HIF3A: variants seen among roughly 807,000 people sequenced by gnomAD.
HIF3A encodes hypoxia-inducible factor 3-alpha.
A neutral mutation model predicts 67.2 loss-of-function variants in HIF3A; 41 were observed. That is an observed-to-expected ratio of 0.61 (90% CI 0.48 to 0.79). HIF3A has a LOEUF of 0.79. HIF3A is among the 30% of genes least tolerant of loss of function. The pLI is 0.00. For synonymous variants in HIF3A, 356 were observed against 374.8 expected, an observed-to-expected ratio of 0.95 and a Z score of 0.58; for missense variants, 855 against 898.0, an observed-to-expected ratio of 0.95 and a Z score of 0.61.
At chr19:46,298,195 C>T (rs1601165036) in intron 1 of HIF3A, 1 of 317,390 alleles carries the variant, frequency 3.2e-6, no homozygotes, top group South Asian at 2.3e-5. Flanking sequence ...ATGCACACCC[C>T]ATGTTTCTAA....
intron 8 of HIF3A, among the ~76,000 whole-genome samples, chr19:46,318,290 G>A (rs1010777137): frequency 7.9e-5 from 12 of 151,630 alleles, no homozygotes; most frequent in Non-Finnish European, 1.3e-4. Flanking sequence ...ACGGAATGCT[G>A]GGCATGGTAA....
At chr19:46,331,480 C>T in intron 13 of HIF3A, 1 of 239,372 alleles carries the variant, frequency 4.2e-6, no homozygotes, top group East Asian at 7.3e-5. Flanking sequence ...TGCGCCACTG[C>T]ACCCCAGCAT....
At chr19:46,312,809 G>A in intron 8 of HIF3A, 156 bp downstream of exon 8, 1 of 1,351,390 alleles carries the variant, frequency 7.4e-7, no homozygotes, top group Non-Finnish European at 9.5e-7. Context: ...TATGAGGAAT[G>A]TGTGTCACCA....
At position 46,337,377 on chromosome 19, in the gene HIF3A, A is replaced by G. The variant is rs114899042; in HGVS notation, c.1913-2148A>G. Among the ~76,000 whole-genome samples, 200 of 152,258 alleles carry G rather than the reference A, an allele frequency of 1.3e-3. 1 individual carries two copies. Among genetic ancestry groups the G allele is most frequent in the Middle Eastern group, 0.01 (3 of 294 alleles). ...GCGATCCTCCCATCTCAGTCTCCCA[A>G]GTAGCTGGGACTACACTTGTAGCTG... On this transcript the variant is annotated intron_variant, in intron 14 of 14. Transcript: ENST00000377670.
Position 46,325,606 on chromosome 19 carries a change from T to A in HIF3A, c.1407T>A (p.Thr469=), listed in dbSNP as rs776001377. 6.2e-7 allele frequency: 1 copy of A among 1,612,798 alleles called. No homozygotes were observed. Among genetic ancestry groups the A allele is most frequent in the Non-Finnish European group, 8.5e-7 (1 of 1,179,552 alleles). Residue 469 remains threonine, a synonymous_variant, in exon 11 of 15, where the codon ACT becomes ACA. Transcript: ENST00000377670. The part of the protein sequence containing the change: ...VHRLFTSGKD[T]EAVETDLDIA... ...GACTCTTCACCTCCGGGAAAGACAC[T>A]GAGGCAGTGGAGACAGATTTAGATA...
intron 13 of HIF3A, 57 bp from the exon 14 acceptor site, chr19:46,334,848 T>C: frequency 6.9e-7 from 1 of 1,439,410 alleles, no homozygotes; most frequent in Non-Finnish European, 9.7e-7. Context: ...CACTCCCGGC[T>C]GTTCCTTGGA....
intron 2 of HIF3A, 125 bp downstream of exon 2, chr19:46,304,213 T>G: frequency 1.2e-6 from 1 of 803,844 alleles, no homozygotes; most frequent in Non-Finnish European, 1.9e-6. Flanking sequence ...TGGTGTCGTT[T>G]TTTTCGGCGG....
intron 1 of HIF3A, among the ~76,000 whole-genome samples, chr19:46,299,160 G>A (rs1252647680): frequency 1.3e-5 from 2 of 152,242 alleles, no homozygotes; most frequent in South Asian, 2.1e-4. Flanking sequence ...CCAGCTGCAC[G>A]TCCCAAGCTG....
Position 46,338,507 on chromosome 19 carries a change from A to T in HIF3A, c.1913-1018A>T, listed in dbSNP as rs913696090. On this transcript the variant is annotated intron_variant, in intron 14 of 14. Coordinates refer to ENST00000377670, the MANE Select transcript of HIF3A (RefSeq NM_152795.4). ...TATGAACCACCACGCCCGACAGTAA[A>T]TATGTTTTGAATGAATAAACTCTCA... 4 of 1,144,522 alleles carry T rather than the reference A, an allele frequency of 3.5e-6. No individual in the cohort carries two copies. The African/African-American group carries it at 6.6e-5, about 19-fold the overall frequency. 70.9% of individuals were successfully genotyped at this position (1,144,522 alleles called of 1,614,324 possible).
intron 1 of HIF3A, among the ~76,000 whole-genome samples, chr19:46,301,358 A>G (rs1173268502): frequency 6.6e-6 from 1 of 152,064 alleles, no homozygotes; most frequent in East Asian, 1.9e-4. Flanking sequence ...GTCCCCTCCT[A>G]GAGGTTCTGC....
intron 11 of HIF3A, 36 bp downstream of exon 11, chr19:46,325,675 C>T: frequency 2.1e-6 from 3 of 1,419,212 alleles, no homozygotes; most frequent in Non-Finnish European, 3.0e-6. Context: ...ATCCTCAGCC[C>T]TGTGTTCTGG....
chr19:46,311,017 C>T (rs1276690854), intron 6 of HIF3A, among the ~76,000 whole-genome samples: 2 of 152,194 alleles, frequency 1.3e-5, no homozygotes, highest in African/African-American at 2.4e-5. Context: ...TCCCAAAGTG[C>T]TGGGATTACA....
chr19:46,300,902 C>A (rs1601181134), intron 1 of HIF3A, among the ~76,000 whole-genome samples: 1 of 152,208 alleles, frequency 6.6e-6, no homozygotes, highest in East Asian at 1.9e-4. Flanking sequence ...AGAAGCAGCC[C>A]AGCCACAGAG....
intron 8 of HIF3A, among the ~76,000 whole-genome samples, chr19:46,315,289 A>T (rs143150101): frequency 0.021 from 2,968 of 144,518 alleles, 282 homozygotes; most frequent in African/African-American, 0.069. Flanking sequence ...CTGGTCTCGA[A>T]CTCCTGACCT....
chr19:46,333,071 A>T (rs1315198603), intron 13 of HIF3A, among the ~76,000 whole-genome samples: 2 of 151,970 alleles, frequency 1.3e-5, no homozygotes, highest in Non-Finnish European at 2.9e-5. Context: ...CATATATAAC[A>T]GCTTACACTT....
chr19:46,329,525 C>T (rs767007756), intron 12 of HIF3A, 47 bp downstream of exon 12: 43 of 1,454,034 alleles, frequency 3.0e-5, no homozygotes, highest in Middle Eastern at 4.7e-4. Context: ...CCCCTCACCC[C>T]GTCTTGCCCC....
chr19:46,309,841 C>T (rs1438072160), intron 6 of HIF3A, among the ~76,000 whole-genome samples: 1 of 152,100 alleles, frequency 6.6e-6, no homozygotes, highest in Non-Finnish European at 1.5e-5. Flanking sequence ...AGTACCAGCA[C>T]TTAGGGAGGC....
intron 14 of HIF3A, among the ~76,000 whole-genome samples, chr19:46,339,063 A>G (rs1971826921): frequency 6.6e-6 from 1 of 152,106 alleles, no homozygotes; most frequent in Non-Finnish European, 1.5e-5. Context: ...CCTTTGTTAA[A>G]TGCCCAGACA....
At chr19:46,298,254 C>G in intron 1 of HIF3A, 1 of 418,984 alleles carries the variant, frequency 2.4e-6, no homozygotes, top group South Asian at 1.9e-5. Flanking sequence ...GGCCCTGGCT[C>G]TGGGCCTAAC....
Sources: gnomAD v4.1 joint callset for allele counts (sites outside exome capture counted in the v4.1 genomes callset) on GRCh38, gnomAD v4.1.1 for gene constraint, MANE v1.5 for transcripts, NCBI Gene and HGNC (gene_info 2026-07-23, HGNC 2026-07-21) for gene names.